ARFGAP3: variants seen among roughly 807,000 people sequenced by gnomAD.
ARFGAP3 encodes the protein ADP-ribosylation factor GTPase-activating protein 3.
In ARFGAP3, 72 loss-of-function variants were observed where a neutral mutation model predicts 75.0. The ratio of observed to expected loss-of-function variants is 0.96; its 90% confidence interval spans 0.79 to 1.17. ARFGAP3 has a LOEUF of 1.17. Ranked by LOEUF, ARFGAP3 falls within the 50% of genes most tolerant of loss-of-function variation. ARFGAP3 has a pLI of 0.00. For synonymous variants in ARFGAP3, 221 were observed against 217.9 expected, an observed-to-expected ratio of 1.01 and a Z score of -0.13; for missense variants, 620 against 626.6, an observed-to-expected ratio of 0.99 and a Z score of 0.11.
Position 42,808,817 on chromosome 22 carries a change from C to T in ARFGAP3, c.1270G>A (p.Val424Ile). The T allele has an allele frequency of 6.2e-7, 1 of 1,613,798 alleles. No homozygotes were observed. Among genetic ancestry groups the T allele is most frequent in the Non-Finnish European group, 8.5e-7 (1 of 1,179,822 alleles). The change falls in exon 13 of 16, where the codon GTC becomes ATC. Residue 424 changes from valine to isoleucine, a missense_variant. By Grantham distance (29) the Val-to-Ile change is conservative. Transcript: ENST00000263245. ...TACATATCTGATGAAATGGCCTTGA[C>T]ATTGCCAAACTTCTTCTGGGCCTCA... ...TDEAQKKFGN[V>I]KAISSDMYFG...
At position 42,827,009 on chromosome 22, in the gene ARFGAP3, C is replaced by A. The variant is rs1199611657; in HGVS notation, c.566-10G>T. Reference sequence around the variant, plus strand: ...CCTTGCTCTTGTCCACCTGAAAATTCAAAACATTGATATTAGCGCAGAAAA... The same window carrying A: ...CCTTGCTCTTGTCCACCTGAAAATTAAAAACATTGATATTAGCGCAGAAAA... On this transcript the variant is annotated splice_polypyrimidine_tract_variant and intron_variant, in intron 6 of 15. Coordinates refer to ENST00000263245, the MANE Select transcript of ARFGAP3 (RefSeq NM_014570.5). 1.9e-6 allele frequency: 3 copies of A among 1,612,650 alleles called. No individual in the cohort carries two copies. The African/African-American group carries it at 4.0e-5, about 22-fold the overall frequency.
chr22:42,851,973 T>C (rs1048652737), intron 1 of ARFGAP3, among the ~76,000 whole-genome samples: 1 of 152,162 alleles, frequency 6.6e-6, no homozygotes, highest in Non-Finnish European at 1.5e-5. Context: ...GCCAGCTTCC[T>C]GGGCATGTGT....
intron 5 of ARFGAP3, 88 bp from the exon 6 acceptor site, chr22:42,831,724 T>G: frequency 6.3e-7 from 1 of 1,584,040 alleles, no homozygotes; most frequent in Non-Finnish European, 8.6e-7. Context: ...ACCTAACAAT[T>G]TAAACAGCCA....
At chr22:42,847,142 A>G in intron 2 of ARFGAP3, 1 of 198,686 alleles carries the variant, frequency 5.0e-6, no homozygotes, top group South Asian at 8.2e-5. Context: ...ACTGTATGGC[A>G]ACACTGAAAA....
chr22:42,839,650 A>C (rs115856770), intron 3 of ARFGAP3, among the ~76,000 whole-genome samples: 4,143 of 152,114 alleles, frequency 0.027, 174 homozygotes, highest in African/African-American at 0.094. Context: ...AAGAAGTTAA[A>C]TATTAATTTA....
At chr22:42,817,897 C>T in intron 9 of ARFGAP3, 40 bp from the exon 10 acceptor site, 1 of 1,477,414 alleles carries the variant, frequency 6.8e-7, no homozygotes, top group Non-Finnish European at 9.1e-7. Context: ...TAGCTTTAAT[C>T]CTTTGTTCTT....
At chr22:42,829,165 TAAAA>T (rs1172683966) in intron 6 of ARFGAP3, among the ~76,000 whole-genome samples, 2 of 152,298 alleles carry the variant, frequency 1.3e-5, no homozygotes, top group East Asian at 3.9e-4. Flanking sequence ...TTTCTCATCT[TAAAA>T]AACAATCTCT....
In ARFGAP3 at chr22:42,796,715, C is replaced by T. The variant is rs1924619956; in HGVS notation, c.*873G>A. On this transcript the variant is annotated 3_prime_UTR_variant, in exon 16 of 16. Coordinates refer to ENST00000263245, the MANE Select transcript of ARFGAP3 (RefSeq NM_014570.5). The stretch of plus-strand genomic sequence containing the variant: ...TTATTTTTCTTTATTTGTTTATACA[C>T]ATTCGGTAATTTCTGAAAAGCAAGA... 1.3e-5 allele frequency: 2 copies of T among 152,216 alleles called. No homozygotes were observed. Among genetic ancestry groups the T allele is most frequent in the Admixed American group, 1.3e-4 (2 of 15,286 alleles). The allele number at this position is 152,216 out of a possible 1,614,324, so 9.4% of individuals were successfully genotyped here.
intron 7 of ARFGAP3, among the ~76,000 whole-genome samples, chr22:42,824,031 C>CTT (rs71186543): frequency 0.27 from 38,254 of 143,400 alleles, 5,545 homozygotes; most frequent in Non-Finnish European, 0.33. Context: ...ATTACAACAA[C>CTT]TTTTTTTTTT....
At chr22:42,822,821 T>C (rs902817410) in intron 8 of ARFGAP3, among the ~76,000 whole-genome samples, 2 of 152,132 alleles carry the variant, frequency 1.3e-5, no homozygotes, top group African/African-American at 2.4e-5. Flanking sequence ...TTTTTTTTAC[T>C]TTTTTTGAGA....
intron 1 of ARFGAP3, among the ~76,000 whole-genome samples, chr22:42,848,370 G>A (rs1297990210): frequency 4.6e-5 from 7 of 151,868 alleles, no homozygotes; most frequent in African/African-American, 9.7e-5. Context: ...CACCGCACCC[G>A]GCTAATTTTT....
At chr22:42,850,170 C>A (rs1927212414) in intron 1 of ARFGAP3, among the ~76,000 whole-genome samples, 1 of 152,038 alleles carries the variant, frequency 6.6e-6, no homozygotes, top group Admixed American at 6.6e-5. Flanking sequence ...ATAAAATACA[C>A]AGTGCTTGTT....
At chr22:42,840,815 G>A (rs1272957312) in intron 3 of ARFGAP3, 129 bp downstream of exon 3, 7 of 975,328 alleles carry the variant, frequency 7.2e-6, no homozygotes, top group Admixed American at 2.6e-5. Flanking sequence ...CCAAACGCCT[G>A]TAATTTCAGC....
intron 14 of ARFGAP3, among the ~76,000 whole-genome samples, chr22:42,801,806 G>A (rs1602088098): frequency 6.6e-6 from 1 of 152,158 alleles, no homozygotes; most frequent in Non-Finnish European, 1.5e-5. Flanking sequence ...TGGGGGAGAC[G>A]GTCTTCGCAT....
chr22:42,812,616 G>T (rs960229431), intron 11 of ARFGAP3, among the ~76,000 whole-genome samples: 1 of 152,176 alleles, frequency 6.6e-6, no homozygotes, highest in African/African-American at 2.4e-5. Flanking sequence ...CTAAGATCTG[G>T]GTGGGGGAAA....
Position 42,831,550 on chromosome 22 carries a change from T to C in ARFGAP3, c.564A>G (p.Glu188=). 6.2e-7 allele frequency: 1 copy of C among 1,613,502 alleles called. No individual in the cohort carries two copies. ...RPVETTLENN[E]GGQEQGPSVE... is the part of the protein sequence containing the mutation. Reference sequence around the variant, plus strand: ...ACATGACAGTTCTAAGGACTCCACCTTCATTATTTTCCAAAGTGGTTTCCA... The same window carrying C: ...ACATGACAGTTCTAAGGACTCCACCCTCATTATTTTCCAAAGTGGTTTCCA... The change falls in exon 6 of 16, where the codon GAA becomes GAG. Residue 188 remains glutamate (E), a splice_region_variant and synonymous_variant. Coordinates refer to ENST00000263245, the MANE Select transcript of ARFGAP3 (RefSeq NM_014570.5).
intron 7 of ARFGAP3, chr22:42,823,914 C>T (rs1203865270): frequency 4.0e-6 from 1 of 248,830 alleles, no homozygotes; most frequent in African/African-American, 2.3e-5. Flanking sequence ...TCCACGCAGT[C>T]TCCAAACTCA....
chr22:42,798,809 A>G (rs1377433164), intron 15 of ARFGAP3, among the ~76,000 whole-genome samples: 1 of 152,236 alleles, frequency 6.6e-6, no homozygotes, highest in Non-Finnish European at 1.5e-5. Context: ...AAAACTGGAC[A>G]ATGGTCATGA....
intron 11 of ARFGAP3, among the ~76,000 whole-genome samples, chr22:42,813,747 G>A (rs1237714848): frequency 1.3e-5 from 2 of 152,184 alleles, no homozygotes; most frequent in Non-Finnish European, 2.9e-5. Context: ...TCACTAAGAG[G>A]ACCGACAGAC....
Sources: gnomAD v4.1 joint callset for allele counts (sites outside exome capture counted in the v4.1 genomes callset) on GRCh38, gnomAD v4.1.1 for gene constraint, MANE v1.5 for transcripts, NCBI Gene and HGNC (gene_info 2026-07-23, HGNC 2026-07-21) for gene names.